WRAP73: variants seen among roughly 807,000 people sequenced by gnomAD.
The protein encoded by WRAP73 is WD repeat-containing protein WRAP73.
In WRAP73, 55 loss-of-function variants were observed where a neutral mutation model predicts 59.6. The observed-to-expected ratio is 0.92, with a 90% CI of 0.74 to 1.15. The LOEUF is 1.15. WRAP73 is among the 50% of genes most tolerant of loss of function. WRAP73 has a pLI of 0.00. For missense variants in WRAP73, 592 were observed against 608.1 expected, an observed-to-expected ratio of 0.97 and a Z score of 0.28; for synonymous variants, 265 against 258.2, an observed-to-expected ratio of 1.03 and a Z score of -0.25.
Position 3,636,885 on chromosome 1 carries a change from A to T in WRAP73, c.516+110T>A, listed in dbSNP as rs529224764. The T allele has an allele frequency of 1.1e-4, 124 of 1,128,866 alleles. No homozygotes were observed. The East Asian group carries it at 3.0e-3, about 27-fold the overall frequency. The allele number at this position is 1,128,866 out of a possible 1,614,324, so 69.9% of individuals were successfully genotyped here. ...ACCTGCCCTTTGTTAATACAACATC[A>T]CCTTGCTCCATATCCTACCAAAGAT... On this transcript the variant is annotated intron_variant, in intron 5 of 11. Transcript: ENST00000270708.
intron 11 of WRAP73, 161 bp from the exon 12 acceptor site, chr1:3,631,278 T>C (rs2101950240): frequency 2.2e-6 from 3 of 1,354,750 alleles, no homozygotes; most frequent in East Asian, 4.9e-5. Flanking sequence ...GAGAGGCTGC[T>C]TCTAGCCCAT....
Position 3,650,077 on chromosome 1 carries a change from C to A in WRAP73, c.-78G>T, listed in dbSNP as rs1252559485. The A allele has an allele frequency of 6.4e-6, 9 of 1,416,090 alleles. No individual in the cohort carries two copies. Among genetic ancestry groups the A allele is most frequent in the African/African-American group, 1.5e-5 (1 of 66,184 alleles). 87.7% of individuals were successfully genotyped at this position (1,416,090 alleles called of 1,614,324 possible). A position where few individuals can be genotyped will look rare whatever the true frequency, so the allele number is the denominator to read the frequency against. On this transcript the variant is annotated 5_prime_UTR_variant, in exon 1 of 12. Coordinates refer to ENST00000270708, the MANE Select transcript of WRAP73 (RefSeq NM_017818.4). Reference sequence around the variant, plus strand: ...TGGGCGCGCAGCAGGCTGCAACAGCCGACGCCGGCCTCCGAGGCCGGAAGT... The same window carrying A: ...TGGGCGCGCAGCAGGCTGCAACAGCAGACGCCGGCCTCCGAGGCCGGAAGT...
At chr1:3,645,660 G>A (rs915789105) in intron 3 of WRAP73, among the ~76,000 whole-genome samples, 4 of 152,196 alleles carry the variant, frequency 2.6e-5, no homozygotes, top group Non-Finnish European at 5.9e-5. Context: ...AAAGGAATTC[G>A]TCCATTTTTC....
In WRAP73 at chr1:3,646,282, G is replaced by A. The variant is rs1185425901; in HGVS notation, c.339+384C>T. On this transcript the variant is annotated intron_variant, in intron 3 of 11. Transcript: ENST00000270708. This position sits in a 1 kb window ranked among gnomAD's most constrained non-coding sequence, Gnocchi z 5.1. ...AAGCCACAAAGTGCTTCCTTTAAATGACGAGCTGAAAGTTCTTGACGCAAC... is the reference window on the plus strand; with the variant it reads ...AAGCCACAAAGTGCTTCCTTTAAATAACGAGCTGAAAGTTCTTGACGCAAC... 6.6e-6 allele frequency among the ~76,000 whole-genome samples: 1 copy of A among 152,190 alleles called. No individual in the cohort carries two copies. The highest frequency in any genetic ancestry group is 2.4e-5 in the African/African-American group (1 of 41,428).
rs1261460173 is a variant in WRAP73 at position 3,649,937 on chromosome 1, C to T, written c.63G>A (p.Lys21=). The change falls in exon 1 of 12, where the codon AAG becomes AAA. Residue 21 remains lysine (K), a synonymous_variant. Coordinates refer to ENST00000270708, the MANE Select transcript of WRAP73 (RefSeq NM_017818.4). ...SLLCKFSPDG[K]YLASCVQYRL... is the part of the protein sequence containing the mutation. ...CCAGGTCCCCGCCGCTCACCAGGTACTTGCCGTCCGGGGAGAACTTGCAGA... is the reference window on the plus strand; with the variant it reads ...CCAGGTCCCCGCCGCTCACCAGGTATTTGCCGTCCGGGGAGAACTTGCAGA... The T allele has an allele frequency of 1.2e-6, 2 of 1,602,908 alleles. No homozygotes were observed. The highest frequency in any genetic ancestry group is 1.7e-6 in the Non-Finnish European group (2 of 1,176,036).
rs779312055 is a variant in WRAP73 at position 3,632,223 on chromosome 1, C to A, written c.1038G>T (p.Ala346=). 19 of 1,613,206 alleles carry A rather than the reference C, an allele frequency of 1.2e-5. No homozygotes were observed. Among genetic ancestry groups the A allele is most frequent in the Middle Eastern group, 3.3e-4 (2 of 6,078 alleles). Reference sequence around the variant, plus strand: ...GTCAGCACAACTGACCGTTCCTTGTCGCCAGGAAGTAGCTGTCAGGACTAA... The same window carrying A: ...GTCAGCACAACTGACCGTTCCTTGTAGCCAGGAAGTAGCTGTCAGGACTAA... ...LAFSPDSYFL[A]TRNDNIPNAV... Residue 346 remains alanine, a synonymous_variant, in exon 10 of 12, where the codon GCG becomes GCT. Coordinates refer to ENST00000270708, the MANE Select transcript of WRAP73 (RefSeq NM_017818.4).
In WRAP73 at chr1:3,633,432, G is replaced by C. The variant is rs114881830; in HGVS notation, c.888C>G (p.Ala296=). The change falls in exon 9 of 12, where the codon GCC becomes GCG. Residue 296 remains alanine, a synonymous_variant. Transcript: ENST00000270708. Reference sequence around the variant, plus strand: ...CTGAGCTCGGGAGAGGGCCGGCCCCGGCCCGGGGCGGCGGGAAGGAGAGGC... The same window carrying C: ...CTGAGCTCGGGAGAGGGCCGGCCCCCGCCCGGGGCGGCGGGAAGGAGAGGC... ...LGCLSFPPPR[A]GAGPLPSSES... 2 of 1,611,876 alleles carry C rather than the reference G, an allele frequency of 1.2e-6. No individual in the cohort carries two copies. The highest frequency in any genetic ancestry group is 1.7e-5 in the Admixed American group (1 of 59,872).
In WRAP73 at chr1:3,642,449, C is replaced by T. The variant is rs35798495; in HGVS notation, c.340-3627G>A. ...GTGAAGATAGCCTTCTAAATAAATG[C>T]TGCTGGGAGCTGGGCACGGTGGCTC... On this transcript the variant is annotated intron_variant, in intron 3 of 11. Transcript: ENST00000270708. 5.4e-3 allele frequency among the ~76,000 whole-genome samples: 823 copies of T among 152,244 alleles called. 5 individuals carry two copies. The highest frequency in any genetic ancestry group is 8.4e-3 in the Non-Finnish European group (574 of 68,006).
chr1:3,642,266 A>G (rs77779093), intron 3 of WRAP73, among the ~76,000 whole-genome samples: 2,611 of 152,312 alleles, frequency 0.017, 74 homozygotes, highest in African/African-American at 0.06. Context: ...TACAAGAGCA[A>G]TGAAGAGGAA....
chr1:3,643,057 G>C (rs2101967672), intron 3 of WRAP73, among the ~76,000 whole-genome samples: 1 of 152,354 alleles, frequency 6.6e-6, no homozygotes, highest in East Asian at 1.9e-4. Flanking sequence ...CCAGGAGACG[G>C]GGACAACACG....
intron 3 of WRAP73, among the ~76,000 whole-genome samples, chr1:3,643,511 C>A (rs1644665577): frequency 6.6e-6 from 1 of 152,386 alleles, no homozygotes; most frequent in East Asian, 1.9e-4. Context: ...GTCTCCCATG[C>A]TCCACAGCAC....
At chr1:3,631,320 C>T (rs1038065588) in intron 11 of WRAP73, 146 bp downstream of exon 11, 46 of 1,305,312 alleles carry the variant, frequency 3.5e-5, no homozygotes, top group African/African-American at 1.6e-4. Context: ...CCTGTGTGTC[C>T]GTCTTGAGGT....
At position 3,638,740 on chromosome 1, in the gene WRAP73, A is replaced by T. The variant is rs930261232; in HGVS notation, c.412+10T>A. 3.1e-6 allele frequency: 5 copies of T among 1,613,948 alleles called. No individual in the cohort carries two copies. Among genetic ancestry groups the T allele is most frequent in the Non-Finnish European group, 4.2e-6 (5 of 1,179,998 alleles). Reference sequence around the variant, plus strand: ...AAGAAATGGCTTTTGCGTGGCTCCGATCGACTCACCCTGCAGACAAGCTTT... The same window carrying T: ...AAGAAATGGCTTTTGCGTGGCTCCGTTCGACTCACCCTGCAGACAAGCTTT... On this transcript the variant is annotated intron_variant, in intron 4 of 11. Coordinates refer to ENST00000270708, the MANE Select transcript of WRAP73 (RefSeq NM_017818.4).
intron 11 of WRAP73, 155 bp from the exon 12 acceptor site, chr1:3,631,272 G>A: frequency 7.3e-7 from 1 of 1,374,834 alleles, no homozygotes; most frequent in Non-Finnish European, 9.9e-7. Flanking sequence ...GTCAGGGAGA[G>A]GCTGCTTCTA....
chr1:3,648,979 G>T (rs1644715456), intron 1 of WRAP73, among the ~76,000 whole-genome samples: 1 of 152,216 alleles, frequency 6.6e-6, no homozygotes, highest in Admixed American at 6.5e-5. Flanking sequence ...CAGAGCACAG[G>T]AATGTCAGGA....
intron 1 of WRAP73, among the ~76,000 whole-genome samples, chr1:3,648,328 T>C (rs1019063405): frequency 6.6e-6 from 1 of 152,260 alleles, no homozygotes; most frequent in Non-Finnish European, 1.5e-5. Context: ...GATGTTTAAA[T>C]ATTAACTGCT....
chr1:3,636,347 T>C (rs1290977880), intron 5 of WRAP73: 3 of 364,566 alleles, frequency 8.2e-6, no homozygotes, highest in Non-Finnish European at 1.6e-5. Flanking sequence ...TCCCCGCGCC[T>C]GCACTCGTGT....
rs1302854875 is a variant in WRAP73, at chr1:3,631,938, G to A, written c.1048+275C>T. On this transcript the variant is annotated intron_variant, in intron 10 of 11. Coordinates refer to ENST00000270708, the MANE Select transcript of WRAP73 (RefSeq NM_017818.4). ...AATGGAGAAACCCTTAACAAAAGGCGGGCTGCAGTGTGCCCAGCCCTGCTT... is the reference window on the plus strand; with the variant it reads ...AATGGAGAAACCCTTAACAAAAGGCAGGCTGCAGTGTGCCCAGCCCTGCTT... 1.1e-5 allele frequency: 16 copies of A among 1,393,190 alleles called. No individual in the cohort carries two copies. The Admixed American group carries it at 1.7e-4, about 15-fold the overall frequency. The allele number at this position is 1,393,190 out of a possible 1,614,324, so 86.3% of individuals were successfully genotyped here. A position where few individuals can be genotyped will look rare whatever the true frequency, so the allele number is the denominator to read the frequency against.
intron 3 of WRAP73, among the ~76,000 whole-genome samples, chr1:3,641,486 AAAGG>A (rs1426130362): frequency 6.6e-6 from 1 of 152,220 alleles, no homozygotes; most frequent in Non-Finnish European, 1.5e-5. Context: ...ATGCCAGGGA[AAAGG>A]AAGCAGACGC....
Sources: allele counts gnomAD v4.1 joint callset (sites outside exome capture counted in the v4.1 genomes callset), GRCh38; gene constraint gnomAD v4.1.1; non-coding constraint Gnocchi (gnomAD v3.1); transcripts MANE v1.5; gene names NCBI Gene and HGNC (gene_info 2026-07-23, HGNC 2026-07-21).